The following CRACDL variants were observed in gnomAD, a reference collection of about 807,000 sequenced individuals.
The protein encoded by CRACDL is CRACD like.
CRACDL carries 26 observed loss-of-function variants against 70.6 expected under a neutral mutation model. The observed-to-expected ratio is 0.37, with a 90% CI of 0.27 to 0.51. The LOEUF is 0.51. CRACDL is among the 20% of genes least tolerant of loss of function. The pLI is 0.94. For missense variants in CRACDL, 1,283 were observed against 1,376.9 expected, an observed-to-expected ratio of 0.93 and a Z score of 1.08; for synonymous variants, 618 against 615.2, an observed-to-expected ratio of 1.00 and a Z score of -0.07.
intron 1 of CRACDL, among the ~76,000 whole-genome samples, chr2:98,883,193 C>T (rs1295997359): frequency 6.6e-6 from 1 of 152,206 alleles, no homozygotes; most frequent in Admixed American, 6.5e-5. Context: ...TATTCTGTGC[C>T]CATTGGGAGC....
rs751156832 is a variant in CRACDL at position 98,836,926 on chromosome 2, C to CA, written c.239+1192dup. On this transcript the variant is annotated intron_variant, in intron 3 of 9. Transcript: ENST00000397899. ...TGAAATCCCGTCTCTGCTGAAAATA[C>CA]AAAAAAAATTTAGCCAGGCGTGGTG... 1.6e-4 allele frequency among the ~76,000 whole-genome samples: 25 copies of CA among 151,688 alleles called. No homozygotes were observed. The East Asian group carries it at 1.7e-3, about 11-fold the overall frequency.
At chr2:98,796,286 G>A (rs1364399495) in intron 8 of CRACDL, 22 bp from the exon 9 acceptor site, 1 of 1,606,906 alleles carries the variant, frequency 6.2e-7, no homozygotes, top group Non-Finnish European at 8.5e-7. Flanking sequence ...TAAGACACAT[G>A]CTGCCAAGTT....
chr2:98,795,255 T>C (rs1703769740), intron 9 of CRACDL, among the ~76,000 whole-genome samples: 1 of 151,290 alleles, frequency 6.6e-6, no homozygotes, highest in Non-Finnish European at 1.5e-5. Flanking sequence ...TTTGTATTTT[T>C]AGTAGAGACG....
At chr2:98,892,489 G>A (rs868841333) in intron 1 of CRACDL, among the ~76,000 whole-genome samples, 2 of 151,980 alleles carry the variant, frequency 1.3e-5, no homozygotes, top group African/African-American at 4.8e-5. Flanking sequence ...TAAAGAGTTC[G>A]AGTCCAGACA....
chr2:98,930,098 C>T (rs905510380), intron 1 of CRACDL, among the ~76,000 whole-genome samples: 4 of 152,088 alleles, frequency 2.6e-5, no homozygotes, highest in Admixed American at 6.5e-5. Flanking sequence ...TGAGCCCAGA[C>T]GTGGCAGGGC....
intron 8 of CRACDL, among the ~76,000 whole-genome samples, chr2:98,796,911 T>C (rs560689771): frequency 6.6e-6 from 1 of 152,190 alleles, no homozygotes; most frequent in Non-Finnish European, 1.5e-5. Flanking sequence ...AGCTCCAGCA[T>C]GTGGCCGGTG....
Position 98,810,162 on chromosome 2 carries a change from T to C in CRACDL, c.2416+11695A>G, listed in dbSNP as rs145044391. Among the ~76,000 whole-genome samples the C allele has an allele frequency of 7.8e-4, 119 of 152,182 alleles. 1 individual carries two copies. In the East Asian group the frequency reaches 0.02, roughly 26 times the overall value. ...ACAGAGGAAGAAAAACCCTGGAAGTTCTCAAGGGCTCAGGATCTAGTTCAG... is the reference window on the plus strand; with the variant it reads ...ACAGAGGAAGAAAAACCCTGGAAGTCCTCAAGGGCTCAGGATCTAGTTCAG... On this transcript the variant is annotated intron_variant, in intron 7 of 9. Transcript: ENST00000397899.
At position 98,823,227 on chromosome 2, in the gene CRACDL, G is replaced by T; in HGVS notation, c.1046C>A (p.Thr349Asn). 7.1e-7 allele frequency: 1 copy of T among 1,411,554 alleles called. No individual in the cohort carries two copies. The highest frequency in any genetic ancestry group is 9.2e-7 in the Non-Finnish European group (1 of 1,087,948). The allele number at this position is 1,411,554 out of a possible 1,614,324, so 87.4% of individuals were successfully genotyped here. ...CGGGGACGGGGGCTCCACGCGGAGA[G>T]TGGGGGCCGACTCGGGCTCGGCGAG... ...PELAEPESAP[T>N]LRVEPPSPPE... Residue 349 changes from threonine to asparagine, a missense_variant, in exon 7 of 10, where the codon ACT becomes AAT. This residue lies in a region of CRACDL where 362 missense variants were observed against 495.0 expected (regional missense o/e 0.73). Transcript: ENST00000397899. This position sits in a 1 kb window ranked among gnomAD's most constrained non-coding sequence, Gnocchi z 4.0.
chr2:98,805,502 G>T (rs944178837), intron 7 of CRACDL, among the ~76,000 whole-genome samples: 13 of 151,956 alleles, frequency 8.6e-5, no homozygotes, highest in Non-Finnish European at 1.8e-4. Flanking sequence ...CCTCCGTAGG[G>T]CCTCACCCCC....
chr2:98,877,839 T>C (rs1185926300), intron 1 of CRACDL, among the ~76,000 whole-genome samples: 9 of 152,174 alleles, frequency 5.9e-5, no homozygotes, highest in Non-Finnish European at 1.3e-4. Flanking sequence ...AGTCATATCC[T>C]AGGCTTTCAT....
chr2:98,889,531 G>A (rs539094895), intron 1 of CRACDL, among the ~76,000 whole-genome samples: 2 of 152,010 alleles, frequency 1.3e-5, no homozygotes, highest in East Asian at 1.9e-4. Context: ...ATGAAGCAAA[G>A]CTGACAAAAC....
In CRACDL at chr2:98,876,032, C is replaced by T. The variant is rs187058925; in HGVS notation, c.-10-29222G>A. On this transcript the variant is annotated intron_variant, in intron 1 of 9. Coordinates refer to ENST00000397899, the MANE Select transcript of CRACDL (RefSeq NM_207362.3). The stretch of plus-strand genomic sequence containing the variant: ...GACCCCAGGTTAAGCCACAAGCTTG[C>T]AAACTGGTTTCTTACACTTGAGAGC... Among the ~76,000 whole-genome samples, 127 of 152,320 alleles carry T rather than the reference C, an allele frequency of 8.3e-4. 1 individual carries two copies. The highest frequency in any genetic ancestry group is 3.0e-3 in the African/African-American group (124 of 41,576).
At chr2:98,826,646 G>C (rs1242483963) in intron 6 of CRACDL, among the ~76,000 whole-genome samples, 1 of 152,158 alleles carries the variant, frequency 6.6e-6, no homozygotes, top group African/African-American at 2.4e-5. Context: ...AAGCCTGGGG[G>C]GTAGGCAGGA....
At chr2:98,873,247 T>G (rs1049150390) in intron 1 of CRACDL, among the ~76,000 whole-genome samples, 5 of 152,200 alleles carry the variant, frequency 3.3e-5, no homozygotes, top group African/African-American at 1.2e-4. Context: ...ATTTCTGTCT[T>G]TTTCACAAAG....
At chr2:98,876,126 A>G (rs150443140) in intron 1 of CRACDL, among the ~76,000 whole-genome samples, 64 of 152,344 alleles carry the variant, frequency 4.2e-4, no homozygotes, top group African/African-American at 1.4e-3. Flanking sequence ...GGAGATGTAG[A>G]TATGAGGAAA....
chr2:98,913,303 G>A (rs1022945607), intron 1 of CRACDL, among the ~76,000 whole-genome samples: 2 of 152,154 alleles, frequency 1.3e-5, no homozygotes, highest in Non-Finnish European at 2.9e-5. Context: ...TGTCTAGAGG[G>A]AAGCCACATG....
intron 1 of CRACDL, among the ~76,000 whole-genome samples, chr2:98,891,376 CAAAAAA>C (rs548988640): frequency 0.011 from 409 of 37,876 alleles, 3 homozygotes; most frequent in African/African-American, 0.035. Context: ...GACTCCGTCT[CAAAAAA>C]AAAAAAAAAA....
intron 1 of CRACDL, among the ~76,000 whole-genome samples, chr2:98,916,982 G>C (rs1319689389): frequency 1.3e-5 from 2 of 152,234 alleles, no homozygotes; most frequent in Admixed American, 6.5e-5. Context: ...AAGGGAATCT[G>C]AATGAAATGA....
chr2:98,895,223 G>A (rs1708087899), intron 1 of CRACDL, among the ~76,000 whole-genome samples: 1 of 152,214 alleles, frequency 6.6e-6, no homozygotes, highest in Non-Finnish European at 1.5e-5. Context: ...CACCATGCTA[G>A]GTGCCTAGGA....
Sources: allele counts gnomAD v4.1 joint callset (sites outside exome capture counted in the v4.1 genomes callset), GRCh38; gene constraint gnomAD v4.1.1; regional missense constraint gnomAD v4.1.1; non-coding constraint Gnocchi (gnomAD v3.1); transcripts MANE v1.5; gene names NCBI Gene and HGNC (gene_info 2026-07-23, HGNC 2026-07-21).